KIAA1328: variants seen among roughly 807,000 people sequenced by gnomAD.
KIAA1328 encodes protein hinderin.
In KIAA1328, 52 loss-of-function variants were observed where a neutral mutation model predicts 68.1. The ratio of observed to expected loss-of-function variants is 0.76; its 90% CI spans 0.61 to 0.96. The LOEUF is 0.96. Ranked by LOEUF, KIAA1328 falls within the 40% of genes least tolerant of loss-of-function variation. The pLI, the probability that KIAA1328 is intolerant of heterozygous loss-of-function variation, is 0.00. For synonymous variants in KIAA1328, 232 were observed against 239.4 expected (o/e 0.97, Z 0.28); for missense variants, 641 against 677.6 (o/e 0.95, Z 0.60).
intron 6 of KIAA1328, among the ~76,000 whole-genome samples, chr18:37,058,331 T>A (rs2056005173): frequency 6.6e-6 from 1 of 152,126 alleles, no homozygotes; most frequent in Non-Finnish European, 1.5e-5. Context: ...ACATGCAACA[T>A]CATGGATAAG....
chr18:37,220,547 T>C (rs1349427322), intron 9 of KIAA1328, among the ~76,000 whole-genome samples: 1 of 152,256 alleles, frequency 6.6e-6, no homozygotes, highest in Admixed American at 6.5e-5. Flanking sequence ...AGGCTTCTAA[T>C]ATATCTCTGA....
intron 7 of KIAA1328, among the ~76,000 whole-genome samples, chr18:37,082,961 A>C (rs2056995643): frequency 6.6e-6 from 1 of 152,226 alleles, no homozygotes; most frequent in Non-Finnish European, 1.5e-5. Context: ...CTGTAATAAA[A>C]TTCAGTGTTC....
intron 6 of KIAA1328, among the ~76,000 whole-genome samples, chr18:36,988,194 C>G (rs892208002): frequency 2.0e-5 from 3 of 152,084 alleles, no homozygotes; most frequent in African/African-American, 7.2e-5. Flanking sequence ...GGCTAAATAC[C>G]AGTTTCTGAA....
intron 7 of KIAA1328, among the ~76,000 whole-genome samples, chr18:37,073,052 A>T (rs1396315261): frequency 6.6e-6 from 1 of 152,236 alleles, no homozygotes; most frequent in Non-Finnish European, 1.5e-5. Flanking sequence ...ACCCAAAACC[A>T]TAAAAACCCT....
intron 5 of KIAA1328, among the ~76,000 whole-genome samples, chr18:36,912,172 A>T (rs2049478992): frequency 6.6e-6 from 1 of 152,180 alleles, no homozygotes; most frequent in Admixed American, 6.5e-5. Flanking sequence ...CAATTACCAC[A>T]AATTTAGTGG....
intron 4 of KIAA1328, among the ~76,000 whole-genome samples, chr18:36,877,415 A>G (rs999530719): frequency 6.6e-6 from 1 of 150,962 alleles, no homozygotes; most frequent in Admixed American, 6.6e-5. Context: ...TCCCTTTACC[A>G]TTATGTAATG....
intron 6 of KIAA1328, among the ~76,000 whole-genome samples, chr18:37,056,210 G>T (rs897166212): frequency 6.6e-6 from 1 of 152,092 alleles, no homozygotes; most frequent in Non-Finnish European, 1.5e-5. Context: ...GTTCATATAT[G>T]TGCTTATGTA....
At chr18:36,874,962 A>T (rs2048071316) in intron 4 of KIAA1328, among the ~76,000 whole-genome samples, 1 of 151,958 alleles carries the variant, frequency 6.6e-6, no homozygotes, top group Non-Finnish European at 1.5e-5. Context: ...TGTTTCTGTC[A>T]GGTTTGTCAG....
chr18:36,901,446 G>A (rs2049035990), intron 5 of KIAA1328, among the ~76,000 whole-genome samples: 1 of 152,018 alleles, frequency 6.6e-6, no homozygotes, highest in African/African-American at 2.4e-5. Context: ...TCCAACACTT[G>A]TGGATGCTTT....
At chr18:36,935,059 C>G (rs1288404891) in intron 5 of KIAA1328, among the ~76,000 whole-genome samples, 2 of 152,200 alleles carry the variant, frequency 1.3e-5, no homozygotes, top group Non-Finnish European at 2.9e-5. Context: ...AAAGTTACAG[C>G]TATAGTCTTT....
chr18:36,968,189 A>C (rs2052022820), intron 6 of KIAA1328, among the ~76,000 whole-genome samples: 1 of 152,186 alleles, frequency 6.6e-6, no homozygotes, highest in African/African-American at 2.4e-5. Context: ...GACCAGTGAC[A>C]CTATAATGCA....
At chr18:37,099,900 C>G (rs2057545125) in intron 7 of KIAA1328, among the ~76,000 whole-genome samples, 1 of 152,140 alleles carries the variant, frequency 6.6e-6, no homozygotes, top group Admixed American at 6.6e-5. Context: ...ATTGCAACCC[C>G]TGCCTTTTTT....
chr18:36,906,274 A>C (rs2049217434), intron 5 of KIAA1328, among the ~76,000 whole-genome samples: 2 of 152,144 alleles, frequency 1.3e-5, no homozygotes. Flanking sequence ...ACAAAGTGTT[A>C]TGTATTCACC....
chr18:37,200,817 C>CA (rs1304976099), intron 9 of KIAA1328, among the ~76,000 whole-genome samples: 1,003 of 53,228 alleles, frequency 0.019, 14 homozygotes, highest in African/African-American at 0.05. Flanking sequence ...GACTCCGTCT[C>CA]AAAAAAAAAA....
chr18:36,889,424 CAG>C (rs543008049), intron 5 of KIAA1328, among the ~76,000 whole-genome samples: 9 of 152,160 alleles, frequency 5.9e-5, no homozygotes, highest in Non-Finnish European at 1.2e-4. Context: ...ACATATGACT[CAG>C]ATCAATGGTG....
chr18:36,945,512 C>T (rs1206005195), intron 5 of KIAA1328, among the ~76,000 whole-genome samples: 1 of 152,060 alleles, frequency 6.6e-6, no homozygotes, highest in East Asian at 1.9e-4. Flanking sequence ...AAATTTTAAC[C>T]TTAAGATGAT....
At chr18:37,110,644 A>C (rs1390961924) in intron 7 of KIAA1328, among the ~76,000 whole-genome samples, 1 of 152,242 alleles carries the variant, frequency 6.6e-6, no homozygotes, top group Non-Finnish European at 1.5e-5. Context: ...ACAAACACAA[A>C]AATTTAACAA....
intron 5 of KIAA1328, among the ~76,000 whole-genome samples, chr18:36,949,918 T>C (rs576173897): frequency 6.6e-6 from 1 of 152,364 alleles, no homozygotes; most frequent in African/African-American, 2.4e-5. Context: ...AATTTTTCTT[T>C]TAGTTAAATG....
At chr18:36,857,422 T>C (rs1050410012) in intron 4 of KIAA1328, among the ~76,000 whole-genome samples, 2 of 152,210 alleles carry the variant, frequency 1.3e-5, no homozygotes, top group Non-Finnish European at 2.9e-5. Context: ...CAAGCCTCTC[T>C]GCCAGTCTAT....
Sources: gnomAD v4.1 joint callset for allele counts (sites outside exome capture counted in the v4.1 genomes callset) on GRCh38, gnomAD v4.1.1 for gene constraint, MANE v1.5 for transcripts, NCBI Gene and HGNC (gene_info 2026-07-23, HGNC 2026-07-21) for gene names.